The following BCL7A variants were observed in gnomAD, a reference collection of about 807,000 sequenced individuals.
The protein encoded by BCL7A is B-cell CLL/lymphoma 7 protein family member A.
Under a neutral mutation model 28.4 loss-of-function variants are expected in BCL7A, and 11 were observed. The ratio of observed to expected loss-of-function variants is 0.39; its 90% CI spans 0.24 to 0.64. BCL7A has a LOEUF of 0.64. Ranked by LOEUF, BCL7A falls within the 30% of genes least tolerant of loss-of-function variation. The pLI, the probability that BCL7A is intolerant of heterozygous loss-of-function variation, is 0.50. For missense variants in BCL7A, 222 were observed against 274.8 expected (o/e 0.81, Z 1.36); for synonymous variants, 123 against 103.3 (o/e 1.19, Z -1.15).
At chr12:122,026,556 C>T (rs1039480078) in intron 1 of BCL7A, among the ~76,000 whole-genome samples, 7 of 152,256 alleles carry the variant, frequency 4.6e-5, no homozygotes, top group African/African-American at 1.2e-4. Flanking sequence ...GAAGAGCTCC[C>T]GTCTGTCCCA....
At chr12:122,026,266 C>CA (rs78577517) in intron 1 of BCL7A, among the ~76,000 whole-genome samples, 3,000 of 48,078 alleles carry the variant, frequency 0.062, 118 homozygotes, top group African/African-American at 0.18. Context: ...GACTCCGTCT[C>CA]AAAAAAAAAA....
At position 122,060,097 on chromosome 12, in the gene BCL7A, G is replaced by A. The variant is rs535304180; in HGVS notation, c.*934G>A. The A allele has an allele frequency of 3.4e-5, 8 of 232,936 alleles. No individual in the cohort carries two copies. In the East Asian group the frequency reaches 3.6e-4, roughly 11 times the overall value. The allele number at this position is 232,936 out of a possible 1,614,324, so 14.4% of individuals were successfully genotyped here. A position where few individuals can be genotyped will look rare whatever the true frequency, so the allele number is the denominator to read the frequency against. On this transcript the variant is annotated 3_prime_UTR_variant, in exon 6 of 6. Coordinates refer to ENST00000261822, the MANE Select transcript of BCL7A (RefSeq NM_001024808.3). ...GTCTCCTTAAGGCACTGAGTGGGCCGGGGAGGCTGGGAGCCGGCGGCAGGA... is the reference window on the plus strand; with the variant it reads ...GTCTCCTTAAGGCACTGAGTGGGCCAGGGAGGCTGGGAGCCGGCGGCAGGA...
chr12:122,040,390 G>T (rs1041023370), intron 3 of BCL7A, among the ~76,000 whole-genome samples: 1 of 151,886 alleles, frequency 6.6e-6, no homozygotes, highest in African/African-American at 2.4e-5. Flanking sequence ...AAAATTAGCC[G>T]GGCATGGTGG....
chr12:122,035,432 GTGCCCATGGCC>G lies in BCL7A; in HGVS notation c.271+10_271+20del. The G allele has an allele frequency of 1.2e-6, 2 of 1,612,978 alleles. No individual in the cohort carries two copies. The highest frequency in any genetic ancestry group is 1.7e-6 in the Non-Finnish European group (2 of 1,179,034). Reference sequence around the variant, plus strand: ...CAGGGATGATGGACATGCATGGTGAGTGCCCATGGCCTGCCAGCCTCTCCTGCCCAGCCCGG... The same window carrying G: ...CAGGGATGATGGACATGCATGGTGAGTGCCAGCCTCTCCTGCCCAGCCCGG... On this transcript the variant is annotated splice_donor_region_variant and intron_variant, in intron 3 of 5. Coordinates refer to ENST00000261822, the MANE Select transcript of BCL7A (RefSeq NM_001024808.3).
At chr12:122,045,643 T>C (rs1327974631) in intron 4 of BCL7A, among the ~76,000 whole-genome samples, 1 of 152,146 alleles carries the variant, frequency 6.6e-6, no homozygotes, top group Non-Finnish European at 1.5e-5. Context: ...AAGAATGGCA[T>C]AATACTGTCC....
intron 4 of BCL7A, among the ~76,000 whole-genome samples, chr12:122,047,816 A>G (rs1884107233): frequency 6.6e-6 from 1 of 150,680 alleles, no homozygotes; most frequent in Non-Finnish European, 1.5e-5. Flanking sequence ...GTGAACCACC[A>G]CACCCAGCCA....
At chr12:122,025,367 T>G in intron 1 of BCL7A, among the ~76,000 whole-genome samples, 1 of 151,846 alleles carries the variant, frequency 6.6e-6, no homozygotes, top group East Asian at 1.9e-4. Flanking sequence ...GGCTCACGCC[T>G]GTAATTTCAG....
chr12:122,038,431 C>CAAAAAAAAA lies in BCL7A; in HGVS notation c.271+3024_271+3032dup, dbSNP rs56376395. On this transcript the variant is annotated intron_variant, in intron 3 of 5. Transcript: ENST00000261822. The stretch of plus-strand genomic sequence containing the variant: ...TGGGCAAAGGAGCGAGACTCTGCCT[C>CAAAAAAAAA]AAAAAAAAAAAAAAAAAAAAAAAAA... 9.3e-3 allele frequency among the ~76,000 whole-genome samples: 311 copies of CAAAAAAAAA among 33,542 alleles called. 34 individuals are homozygous for CAAAAAAAAA. Among genetic ancestry groups the CAAAAAAAAA allele is most frequent in the East Asian group, 0.027 (24 of 904 alleles). 22.0% of individuals were successfully genotyped at this position (33,542 alleles called of 152,430 possible).
intron 1 of BCL7A, among the ~76,000 whole-genome samples, chr12:122,028,254 C>T (rs1343367283): frequency 2.6e-5 from 4 of 152,272 alleles, no homozygotes; most frequent in Admixed American, 1.3e-4. Context: ...AAGAGAGGCA[C>T]GAAAGCCTGG....
chr12:122,022,904 G>A (rs1370863223), intron 1 of BCL7A, among the ~76,000 whole-genome samples: 1 of 152,086 alleles, frequency 6.6e-6, no homozygotes, highest in Non-Finnish European at 1.5e-5. Context: ...GGCGCCCCGG[G>A]CGGGGGGCTC....
At chr12:122,032,552 C>T (rs1373104494) in intron 2 of BCL7A, among the ~76,000 whole-genome samples, 4 of 152,146 alleles carry the variant, frequency 2.6e-5, no homozygotes, top group Non-Finnish European at 4.4e-5. Flanking sequence ...AAAACGTAAG[C>T]CCTGGGCCAT....
At chr12:122,034,741 CAAAAA>C (rs758389528) in intron 2 of BCL7A, among the ~76,000 whole-genome samples, 1 of 122,074 alleles carries the variant, frequency 8.2e-6, no homozygotes, top group Non-Finnish European at 1.7e-5. Context: ...GACTCTGTCT[CAAAAA>C]AAAAAAAAAG....
Position 122,022,070 on chromosome 12 carries a change from C to G in BCL7A, c.-22C>G. 1.3e-6 allele frequency: 2 copies of G among 1,539,096 alleles called. No individual in the cohort carries two copies. The highest frequency in any genetic ancestry group is 8.8e-7 in the Non-Finnish European group (1 of 1,140,486). ...AGGACCCGGCGGGCGCGCTCCCCAG[C>G]CTCCGTCTCCCCGCCGGAACCATGT... On this transcript the variant is annotated 5_prime_UTR_variant, in exon 1 of 6. Transcript: ENST00000261822.
chr12:122,042,638 A>G, intron 3 of BCL7A, among the ~76,000 whole-genome samples: 1 of 147,888 alleles, frequency 6.8e-6, no homozygotes, highest in Non-Finnish European at 1.5e-5. Flanking sequence ...CGACAGAGCA[A>G]GACTCCATCT....
chr12:122,026,554 C>T (rs1593021902), intron 1 of BCL7A, among the ~76,000 whole-genome samples: 1 of 152,250 alleles, frequency 6.6e-6, no homozygotes, highest in East Asian at 1.9e-4. Context: ...CTGAAGAGCT[C>T]CCGTCTGTCC....
chr12:122,055,315 G>A (rs1951869236), intron 5 of BCL7A, among the ~76,000 whole-genome samples: 1 of 152,212 alleles, frequency 6.6e-6, no homozygotes, highest in East Asian at 1.9e-4. Context: ...TGGGGCCTCC[G>A]ACGGAGCGGT....
At chr12:122,022,884 C>G (rs1002774786) in intron 1 of BCL7A, among the ~76,000 whole-genome samples, 2 of 151,932 alleles carry the variant, frequency 1.3e-5, no homozygotes, top group Non-Finnish European at 2.9e-5. Flanking sequence ...CGTCCCACCC[C>G]GCTCTGCGCG....
chr12:122,037,804 C>T (rs1220883988), intron 3 of BCL7A, among the ~76,000 whole-genome samples: 8 of 151,866 alleles, frequency 5.3e-5, no homozygotes, highest in Non-Finnish European at 1.2e-4. Flanking sequence ...ACAAAATTAG[C>T]CAGGCGTGGG....
At chr12:122,036,951 G>T (rs577493888) in intron 3 of BCL7A, among the ~76,000 whole-genome samples, 212 of 152,238 alleles carry the variant, frequency 1.4e-3, no homozygotes, top group African/African-American at 4.7e-3. Context: ...TCGAACGCCC[G>T]CCTTGGCCTC....
Sources: allele counts gnomAD v4.1 joint callset (sites outside exome capture counted in the v4.1 genomes callset), GRCh38; gene constraint gnomAD v4.1.1; transcripts MANE v1.5; gene names NCBI Gene and HGNC (gene_info 2026-07-23, HGNC 2026-07-21).